LAMA4: variants seen among roughly 807,000 people sequenced by gnomAD.
LAMA4 encodes laminin subunit alpha 4.
Under a neutral mutation model 207.1 loss-of-function variants are expected in LAMA4, and 127 were observed. The ratio of observed to expected loss-of-function variants is 0.61; its 90% CI spans 0.53 to 0.71. LAMA4 has a LOEUF of 0.71. LAMA4 is among the 30% of genes least tolerant of loss of function. The pLI, the probability that LAMA4 is intolerant of heterozygous loss-of-function variation, is 0.00. For missense variants in LAMA4, 2,093 were observed against 2,246.5 expected, an observed-to-expected ratio of 0.93 and a Z score of 1.38; for synonymous variants, 761 against 816.0, an observed-to-expected ratio of 0.93 and a Z score of 1.15.
At chr6:112,216,750 A>G in intron 2 of LAMA4, 1 of 424,596 alleles carries the variant, frequency 2.4e-6, no homozygotes, top group East Asian at 5.0e-5. Context: ...TGCAAGGAAG[A>G]ATAAGAAGGT....
intron 30 of LAMA4, 111 bp from the exon 31 acceptor site, chr6:112,129,186 GCA>G (rs1554328752): frequency 5.2e-5 from 27 of 517,842 alleles, no homozygotes; most frequent in Non-Finnish European, 7.8e-5. Context: ...GTGTGTGTGT[GCA>G]TGTGTGTGTG....
intron 9 of LAMA4, chr6:112,179,347 C>T (rs1279465157): frequency 5.3e-5 from 8 of 152,276 alleles, no homozygotes; most frequent in African/African-American, 1.9e-4. Context: ...TAGGACACCA[C>T]CCTGTATGCA....
At chr6:112,190,631 G>A (rs1043430003) in intron 6 of LAMA4, among the ~76,000 whole-genome samples, 7 of 152,190 alleles carry the variant, frequency 4.6e-5, no homozygotes, top group Admixed American at 4.6e-4. Context: ...ACTCTATGTG[G>A]CAAATGGATG....
chr6:112,166,069 A>G (rs190103362), intron 12 of LAMA4: 1 of 152,258 alleles, frequency 6.6e-6, no homozygotes, highest in Non-Finnish European at 1.5e-5. Flanking sequence ...AATAGTAACA[A>G]GTCAGAGTTG....
At chr6:112,115,742 C>G (rs1163013783) in intron 36 of LAMA4, 121 bp downstream of exon 36, 1 of 1,081,794 alleles carries the variant, frequency 9.2e-7, no homozygotes, top group Non-Finnish European at 1.4e-6. Context: ...CATGTTATAG[C>G]TTTCCTATAT....
chr6:112,138,818 A>T (rs1420090272), intron 24 of LAMA4, among the ~76,000 whole-genome samples: 3 of 152,194 alleles, frequency 2.0e-5, no homozygotes, highest in African/African-American at 7.2e-5. Context: ...GGTTTGGAAA[A>T]GTTAGGAGCC....
intron 5 of LAMA4, among the ~76,000 whole-genome samples, chr6:112,195,054 G>T (rs781992042): frequency 1.3e-5 from 2 of 152,142 alleles, no homozygotes; most frequent in Admixed American, 1.3e-4. Flanking sequence ...TTTCAGGAAT[G>T]CTTGAAGCTC....
chr6:112,234,924 G>A (rs1001230596), intron 2 of LAMA4, among the ~76,000 whole-genome samples: 24 of 152,116 alleles, frequency 1.6e-4, no homozygotes, highest in Middle Eastern at 3.4e-3. Context: ...AAATATCTTC[G>A]GATATCCAAA....
rs1779743846 is a variant in LAMA4, at chr6:112,142,269, A to G, written c.2517T>C (p.Asp839=). The G allele has an allele frequency of 1.2e-6, 2 of 1,614,156 alleles. No homozygotes were observed. The highest frequency in any genetic ancestry group is 1.7e-6 in the Non-Finnish European group (2 of 1,180,000). Reference sequence around the variant, plus strand: ...AGTGCACTTCCACAGCTGACTGGCCATCAAACATCATGGAGACTTGGATCT... The same window carrying G: ...AGTGCACTTCCACAGCTGACTGGCCGTCAAACATCATGGAGACTTGGATCT... ...ASKIQVSMMF[D]GQSAVEVHSR... The change falls in exon 20 of 39, where the codon GAT becomes GAC. Residue 839 remains aspartate (D), a synonymous_variant. Transcript: ENST00000230538.
At chr6:112,210,977 T>C (rs2115038280) in intron 3 of LAMA4, among the ~76,000 whole-genome samples, 1 of 152,296 alleles carries the variant, frequency 6.6e-6, no homozygotes, top group South Asian at 2.1e-4. Flanking sequence ...AAAAAAGCTC[T>C]CTGGTATCTT....
intron 12 of LAMA4, among the ~76,000 whole-genome samples, chr6:112,170,090 C>G (rs564030447): frequency 4.6e-5 from 7 of 152,360 alleles, no homozygotes; most frequent in African/African-American, 1.7e-4. Flanking sequence ...CATGTTAACA[C>G]ACAACATATG....
chr6:112,217,670 C>A (rs1392700201), intron 2 of LAMA4: 2 of 151,858 alleles, frequency 1.3e-5, no homozygotes, highest in African/African-American at 4.8e-5. Flanking sequence ...TAATAAACCC[C>A]ATTTGGAGGA....
intron 2 of LAMA4, among the ~76,000 whole-genome samples, chr6:112,241,606 C>T (rs1786520259): frequency 6.6e-6 from 1 of 152,054 alleles, no homozygotes; most frequent in South Asian, 2.1e-4. Flanking sequence ...AATATTAATG[C>T]CTTCCTCTTG....
chr6:112,109,595 A>G lies in LAMA4; in HGVS notation c.5327-13T>C. ...GTCAGTAGAGATTCTGAAAAGAGCA[A>G]GAAATAAAAACAAAGATTGCAATTG... On this transcript the variant is annotated splice_polypyrimidine_tract_variant and intron_variant, in intron 38 of 38. Coordinates refer to ENST00000230538, the MANE Select transcript of LAMA4 (RefSeq NM_001105206.3). 6.2e-7 allele frequency: 1 copy of G among 1,614,058 alleles called. No individual in the cohort carries two copies. The highest frequency in any genetic ancestry group is 8.5e-7 in the Non-Finnish European group (1 of 1,179,926).
intron 5 of LAMA4, among the ~76,000 whole-genome samples, chr6:112,199,680 A>G (rs1783621322): frequency 6.6e-6 from 1 of 152,234 alleles, no homozygotes; most frequent in Non-Finnish European, 1.5e-5. Context: ...TCCTTTAGTG[A>G]AATAATTATC....
chr6:112,216,111 G>T (rs1042772784), intron 3 of LAMA4, among the ~76,000 whole-genome samples: 1 of 152,210 alleles, frequency 6.6e-6, no homozygotes. Context: ...TTGGTCTACA[G>T]CAGGCAACCA....
chr6:112,214,592 G>T (rs1367139316), intron 3 of LAMA4, among the ~76,000 whole-genome samples: 4 of 152,118 alleles, frequency 2.6e-5, no homozygotes, highest in African/African-American at 9.7e-5. Context: ...AGGGAAAAAA[G>T]ATATTTTTCT....
At chr6:112,126,040 A>G (rs1378705816) in intron 31 of LAMA4, among the ~76,000 whole-genome samples, 1 of 152,220 alleles carries the variant, frequency 6.6e-6, no homozygotes, top group Non-Finnish European at 1.5e-5. Flanking sequence ...GTGATTCTGT[A>G]TCTTGTTATT....
At chr6:112,221,032 A>T (rs1784894439) in intron 2 of LAMA4, among the ~76,000 whole-genome samples, 1 of 152,164 alleles carries the variant, frequency 6.6e-6, no homozygotes, top group African/African-American at 2.4e-5. Context: ...AATCACTTAC[A>T]TACTCGAATA....
Sources: allele counts gnomAD v4.1 joint callset (sites outside exome capture counted in the v4.1 genomes callset), GRCh38; gene constraint gnomAD v4.1.1; transcripts MANE v1.5; gene names NCBI Gene and HGNC (gene_info 2026-07-23, HGNC 2026-07-21).